Variants in MALRD1 observed in about 807,000 individuals in gnomAD.
MALRD1 encodes the protein MAM and LDL-receptor class A domain-containing protein 1.
MALRD1 carries 247 observed loss-of-function variants against 242.1 expected under a neutral mutation model. That is an observed-to-expected ratio of 1.02 (90% confidence interval 0.92 to 1.13). The LOEUF (loss-of-function observed/expected upper bound fraction) is 1.13. MALRD1 is among the 50% of genes most tolerant of loss of function. MALRD1 has a pLI of 0.00. For synonymous variants in MALRD1, 995 were observed against 866.6 expected (o/e 1.15, Z -2.60); for missense variants, 2,989 against 2,533.1 (o/e 1.18, Z -3.86).
In MALRD1 at chr10:19,165,744, A is replaced by G. The variant is rs1834661607; in HGVS notation, c.1764A>G (p.Glu588=). ...AGGGCAAAATAATCAGATTCTCCGA[A>G]TCTCAGTGGAGCCACGCAAAAATTG... The part of the protein sequence containing the change: ...QKQGKIIRFS[E]SQWSHAKIDL... The change falls in exon 13 of 40, where the codon GAA becomes GAG. Residue 588 remains glutamate (E), a synonymous_variant. Transcript: ENST00000454679. 4.1e-6 allele frequency: 5 copies of G among 1,231,476 alleles called. 1 individual carries two copies. Among genetic ancestry groups the G allele is most frequent in the Non-Finnish European group, 4.0e-6 (4 of 987,922 alleles). The allele number at this position is 1,231,476 out of a possible 1,614,324, so 76.3% of individuals were successfully genotyped here.
At chr10:19,298,027 C>G (rs941827235) in intron 21 of MALRD1, among the ~76,000 whole-genome samples, 1 of 151,900 alleles carries the variant, frequency 6.6e-6, no homozygotes, top group Non-Finnish European at 1.5e-5. Context: ...TAAAGGAATA[C>G]CTGAGACTGA....
At chr10:19,095,714 G>A (rs1396448779) in intron 4 of MALRD1, among the ~76,000 whole-genome samples, 4 of 152,106 alleles carry the variant, frequency 2.6e-5, no homozygotes, top group Non-Finnish European at 5.9e-5. Context: ...GTACCCCCGA[G>A]CACCAATAAT....
intron 36 of MALRD1, among the ~76,000 whole-genome samples, chr10:19,671,712 G>A (rs1349442509): frequency 6.6e-6 from 1 of 152,146 alleles, no homozygotes; most frequent in Non-Finnish European, 1.5e-5. Context: ...TAGAATTTTA[G>A]TGTCCATTTG....
intron 28 of MALRD1, among the ~76,000 whole-genome samples, chr10:19,423,283 G>T (rs982400991): frequency 6.6e-6 from 1 of 151,618 alleles, no homozygotes; most frequent in South Asian, 2.1e-4. Context: ...CTCTAAATTT[G>T]CTCTCTGTGG....
intron 21 of MALRD1, among the ~76,000 whole-genome samples, chr10:19,305,353 A>T (rs972691894): frequency 2.0e-5 from 3 of 151,658 alleles, no homozygotes; most frequent in African/African-American, 7.3e-5. Context: ...TTATACGAAT[A>T]AGAAATATGC....
intron 2 of MALRD1, among the ~76,000 whole-genome samples, chr10:19,069,508 GA>G: frequency 6.6e-6 from 1 of 151,966 alleles, no homozygotes; most frequent in Middle Eastern, 3.4e-3. Context: ...CTACCTATCT[GA>G]GTTTGTCTCT....
chr10:19,718,384 G>C (rs1834518143), intron 38 of MALRD1, among the ~76,000 whole-genome samples: 1 of 152,210 alleles, frequency 6.6e-6, no homozygotes, highest in Non-Finnish European at 1.5e-5. Context: ...ACTAATGGCA[G>C]AAGGCAAAGC....
chr10:19,592,625 C>G (rs1837858200), intron 33 of MALRD1, among the ~76,000 whole-genome samples: 1 of 152,122 alleles, frequency 6.6e-6, no homozygotes, highest in Admixed American at 6.5e-5. Context: ...CAAGTGAGTT[C>G]TGAGTGCCAT....
intron 29 of MALRD1, among the ~76,000 whole-genome samples, chr10:19,476,424 G>GC (rs1456207540): frequency 6.6e-6 from 1 of 151,984 alleles, no homozygotes; most frequent in Non-Finnish European, 1.5e-5. Flanking sequence ...TCCTCACTTG[G>GC]CAAGGGGTGT....
chr10:19,296,374 T>C (rs1841703495), intron 21 of MALRD1, among the ~76,000 whole-genome samples: 1 of 152,098 alleles, frequency 6.6e-6, no homozygotes, highest in South Asian at 2.1e-4. Flanking sequence ...ATTTGGCAAG[T>C]TGATAGTCTG....
In MALRD1 at chr10:19,279,476, G is replaced by A. The variant is rs188616565; in HGVS notation, c.3080-571G>A. Among the ~76,000 whole-genome samples the A allele has an allele frequency of 3.4e-4, 51 of 152,198 alleles. 1 individual carries two copies. Among genetic ancestry groups the A allele is most frequent in the Admixed American group, 1.8e-3 (28 of 15,286 alleles). On this transcript the variant is annotated intron_variant, in intron 19 of 39. Coordinates refer to ENST00000454679, the MANE Select transcript of MALRD1 (RefSeq NM_001142308.3). ...GACATGTTATCAATACATGTTTATT[G>A]AATAACTAATAAATCAGTCAACATC...
At chr10:19,064,943 T>C (rs1834926318) in intron 1 of MALRD1, among the ~76,000 whole-genome samples, 2 of 150,860 alleles carry the variant, frequency 1.3e-5, no homozygotes, top group Non-Finnish European at 3.0e-5. Context: ...GTTATTTACG[T>C]GCAAATTAAG....
chr10:19,103,254 C>G (rs1437173635), intron 4 of MALRD1, among the ~76,000 whole-genome samples: 2 of 151,868 alleles, frequency 1.3e-5, no homozygotes, highest in Admixed American at 1.3e-4. Context: ...ACATCTAAGG[C>G]AAGAGTCGAT....
chr10:19,574,372 G>T (rs890470317), intron 33 of MALRD1, among the ~76,000 whole-genome samples: 1 of 152,202 alleles, frequency 6.6e-6, no homozygotes, highest in African/African-American at 2.4e-5. Flanking sequence ...ATGAAGAGAT[G>T]ATTAAGTAAA....
At chr10:19,673,006 T>A (rs1489284410) in intron 36 of MALRD1, among the ~76,000 whole-genome samples, 1 of 152,056 alleles carries the variant, frequency 6.6e-6, no homozygotes, top group Admixed American at 6.6e-5. Flanking sequence ...TTATTGGAGG[T>A]AGTCTGTTGA....
intron 16 of MALRD1, 99 bp from the exon 17 acceptor site, chr10:19,204,799 T>C: frequency 8.1e-7 from 1 of 1,231,598 alleles, no homozygotes; most frequent in Non-Finnish European, 1.1e-6. Flanking sequence ...TTATGATAAC[T>C]CATTAAAATT....
intron 18 of MALRD1, among the ~76,000 whole-genome samples, chr10:19,237,133 A>G (rs1838355452): frequency 1.3e-5 from 2 of 151,984 alleles, no homozygotes. Flanking sequence ...ATTTCTTTTT[A>G]ATAAGAAATT....
At chr10:19,326,103 G>T (rs11009487) in intron 22 of MALRD1, among the ~76,000 whole-genome samples, 1 of 152,036 alleles carries the variant, frequency 6.6e-6, no homozygotes, top group Admixed American at 6.6e-5. Flanking sequence ...GTGTATACAC[G>T]CATGGTTATG....
intron 1 of MALRD1, among the ~76,000 whole-genome samples, chr10:19,052,560 C>T (rs1172982588): frequency 6.6e-6 from 1 of 152,158 alleles, no homozygotes; most frequent in East Asian, 1.9e-4. Context: ...GGCCTGGGGT[C>T]TCTGCCTTCT....
Sources: allele counts gnomAD v4.1 joint callset (sites outside exome capture counted in the v4.1 genomes callset), GRCh38; gene constraint gnomAD v4.1.1; transcripts MANE v1.5; gene names NCBI Gene and HGNC (gene_info 2026-07-23, HGNC 2026-07-21).